Variants in ADO observed in about 807,000 individuals in gnomAD.
The protein encoded by ADO is 2-aminoethanethiol dioxygenase.
ADO carries 9 observed loss-of-function variants against 16.6 expected under a neutral mutation model. The ratio of observed to expected loss-of-function variants is 0.54; its 90% CI spans 0.33 to 0.95. The LOEUF is 0.95. Among genes scored for constraint, ADO ranks in the 40% least tolerant of loss-of-function variants. ADO has a pLI of 0.03. For synonymous variants in ADO, 189 were observed against 179.6 expected (o/e 1.05, Z -0.42); for missense variants, 356 against 386.4 (o/e 0.92, Z 0.66).
rs776030011 is a variant in ADO at position 62,805,787 on chromosome 10, G to A, written c.728G>A (p.Arg243Gln). 2 of 1,591,934 alleles carry A rather than the reference G, an allele frequency of 1.3e-6. No individual in the cohort carries two copies. The highest frequency in any genetic ancestry group is 1.8e-5 in the Admixed American group (1 of 56,068). Residue 243 changes from arginine (R) to glutamine (Q), a missense_variant, in exon 1 of 1, where the codon CGA becomes CAA. Arg to Gln is a conservative substitution (Grantham distance 43). Coordinates refer to ENST00000373783, the MANE Select transcript of ADO (RefSeq NM_032804.6). This position sits in a 1 kb window ranked among gnomAD's most constrained non-coding sequence, Gnocchi z 6.4. The stretch of plus-strand genomic sequence containing the variant: ...TCCAGCTCGGCCTGTGACCTGCCTC[G>A]AGAGGTGTGGCTCCTGGAGACCCCA... ...EASSSACDLPREVWLLETPQA... is the reference protein window; with the variant it reads ...EASSSACDLPQEVWLLETPQA...
chr10:62,804,782 C>G lies in ADO; in HGVS notation c.-278C>G, dbSNP rs1842029559. 8.4e-6 allele frequency: 2 copies of G among 238,752 alleles called. No homozygotes were observed. Among genetic ancestry groups the G allele is most frequent in the Non-Finnish European group, 1.6e-5 (2 of 125,836 alleles). 14.8% of individuals were successfully genotyped at this position (238,752 alleles called of 1,614,324 possible). A position where few individuals can be genotyped will look rare whatever the true frequency, so the allele number is the denominator to read the frequency against. ...ATGGAGCGCCGGGCGTAAGGCAAAG[C>G]CTGGCACCGTCTGCGCGGCCGCTAT... On this transcript the variant is annotated 5_prime_UTR_variant, in exon 1 of 1. Transcript: ENST00000373783.
rs755807283 is a variant in ADO at position 62,805,237 on chromosome 10, C to G, written c.178C>G (p.Gln60Glu). 3 of 1,603,976 alleles carry G rather than the reference C, an allele frequency of 1.9e-6. No individual in the cohort carries two copies. In the South Asian group the frequency reaches 3.3e-5, roughly 18 times the overall value. Residue 60 changes from glutamine (Q) to glutamate (E), a missense_variant, in exon 1 of 1, where the codon CAG (glutamine) becomes GAG (glutamate). Physicochemically the swap from Gln to Glu is conservative, Grantham distance 29. Coordinates refer to ENST00000373783, the MANE Select transcript of ADO (RefSeq NM_032804.6). This position sits in a 1 kb window ranked among gnomAD's most constrained non-coding sequence, Gnocchi z 6.4. The part of the protein sequence containing the change: ...NLSKLKSLLT[Q>E]LRAEDLNIAP... ...GAGCAAGCTGAAGAGCCTCCTGACCCAGCTCCGCGCCGAGGACTTGAACAT... is the reference window on the plus strand; with the variant it reads ...GAGCAAGCTGAAGAGCCTCCTGACCGAGCTCCGCGCCGAGGACTTGAACAT...
chr10:62,805,662 TG>T lies in ADO; in HGVS notation c.604del (p.Ala202ProfsTer135), dbSNP rs767898266. On this transcript the variant is annotated frameshift_variant, in exon 1 of 1. Coordinates refer to ENST00000373783, the MANE Select transcript of ADO (RefSeq NM_032804.6). LOFTEE classifies it high-confidence loss of function. The surrounding 1 kb of genome is among the most constrained non-coding windows in gnomAD (Gnocchi z 6.4). Reference sequence around the variant, plus strand: ...ACCAGATCGACGCCGTGGAAGGGCCTGCCGCCTTCCTGGACATCCTGGCCCC... The same window carrying T: ...ACCAGATCGACGCCGTGGAAGGGCCTCCGCCTTCCTGGACATCCTGGCCCC... ...LHQIDAVEGP[A>X]AFLDILAPPY... 6.2e-7 allele frequency: 1 copy of T among 1,610,344 alleles called. No individual in the cohort carries two copies. Among genetic ancestry groups the T allele is most frequent in the South Asian group, 1.1e-5 (1 of 90,300 alleles).
chr10:62,805,202 C>T lies in ADO; in HGVS notation c.143C>T (p.Pro48Leu). The T allele has an allele frequency of 3.1e-6, 5 of 1,602,914 alleles. No homozygotes were observed. Among genetic ancestry groups the T allele is most frequent in the Non-Finnish European group, 4.2e-6 (5 of 1,177,604 alleles). The change falls in exon 1 of 1, where the codon CCC (proline) becomes CTC (leucine). Residue 48 changes from proline to leucine, a missense_variant. By Grantham distance (98) the Pro-to-Leu change is moderately conservative. Coordinates refer to ENST00000373783, the MANE Select transcript of ADO (RefSeq NM_032804.6). The surrounding 1 kb of genome is among the most constrained non-coding windows in gnomAD (Gnocchi z 6.4). ...GAGGCGCCGATGCAGCCGGGCTTCC[C>T]CGAGAACCTGAGCAAGCTGAAGAGC... is the stretch of plus-strand genomic sequence containing the variant. Reference protein sequence around the residue: ...GPEAPMQPGFPENLSKLKSLL... With the variant: ...GPEAPMQPGFLENLSKLKSLL...
In ADO at chr10:62,805,485, A is replaced by G. The variant is rs558611751; in HGVS notation, c.426A>G (p.Gln142=). The G allele has an allele frequency of 1.9e-5, 29 of 1,537,518 alleles. No individual in the cohort carries two copies. Among genetic ancestry groups the G allele is most frequent in the Non-Finnish European group, 2.4e-5 (27 of 1,145,248 alleles). ...ACAAGCTAGACGCGGGCGGCGGGCA[A>G]CGGCCGCGGGCCTTGCCGCCCGAGC... ...CMDKLDAGGG[Q]RPRALPPEQQ... Residue 142 remains glutamine, a synonymous_variant, in exon 1 of 1, where the codon CAA becomes CAG. Coordinates refer to ENST00000373783, the MANE Select transcript of ADO (RefSeq NM_032804.6). This position sits in a 1 kb window ranked among gnomAD's most constrained non-coding sequence, Gnocchi z 6.4.
rs1252058697 is a variant in ADO, at chr10:62,806,949, A to C, written c.*1077A>C. 1 of 167,242 alleles carries C rather than the reference A, an allele frequency of 6.0e-6. No individual in the cohort carries two copies. The highest frequency in any genetic ancestry group is 1.5e-5 in the Non-Finnish European group (1 of 68,122). 10.4% of individuals were successfully genotyped at this position (167,242 alleles called of 1,614,324 possible). A position where few individuals can be genotyped will look rare whatever the true frequency, so the allele number is the denominator to read the frequency against. ...GGGTGATTCCAGCTGTGTTGCTGGC[A>C]GTGTTGTCTCAACCCTCTCCCTAAA... On this transcript the variant is annotated 3_prime_UTR_variant, in exon 1 of 1. Coordinates refer to ENST00000373783, the MANE Select transcript of ADO (RefSeq NM_032804.6).
rs1485819769 is a variant in ADO at position 62,807,934 on chromosome 10, A to G, written c.*2062A>G. On this transcript the variant is annotated 3_prime_UTR_variant, in exon 1 of 1. Coordinates refer to ENST00000373783, the MANE Select transcript of ADO (RefSeq NM_032804.6). Reference sequence around the variant, plus strand: ...TTATTAATAGCAATGTATGTGTTATAATACAACTTAGTACATTAAAGCTAC... The same window carrying G: ...TTATTAATAGCAATGTATGTGTTATGATACAACTTAGTACATTAAAGCTAC... 6.0e-6 allele frequency: 1 copy of G among 167,150 alleles called. No individual in the cohort carries two copies. Among genetic ancestry groups the G allele is most frequent in the Non-Finnish European group, 1.5e-5 (1 of 68,132 alleles). 10.4% of individuals were successfully genotyped at this position (167,150 alleles called of 1,614,324 possible).
Position 62,805,852 on chromosome 10 carries a change from G to A in ADO, c.793G>A (p.Gly265Ser). 2.0e-6 allele frequency: 3 copies of A among 1,521,152 alleles called. No homozygotes were observed. The highest frequency in any genetic ancestry group is 2.7e-6 in the Non-Finnish European group (3 of 1,131,684). The allele number at this position is 1,521,152 out of a possible 1,614,324, so 94.2% of individuals were successfully genotyped here. The change falls in exon 1 of 1, where the codon GGT becomes AGT. Residue 265 changes from glycine to serine, a missense_variant. By Grantham distance (56) the Gly-to-Ser change is moderately conservative (BLOSUM62 0). Transcript: ENST00000373783. This position sits in a 1 kb window ranked among gnomAD's most constrained non-coding sequence, Gnocchi z 6.4. ...DFWCEGEPYP[G>S]PKVFP is the part of the protein sequence containing the mutation. ...CTGGTGCGAGGGAGAACCCTATCCAGGTCCCAAGGTCTTCCCTTGAAGCCA... is the reference window on the plus strand; with the variant it reads ...CTGGTGCGAGGGAGAACCCTATCCAAGTCCCAAGGTCTTCCCTTGAAGCCA...
In ADO at chr10:62,807,293, CTT is replaced by C. The variant is rs752851586; in HGVS notation, c.*1424_*1425del. 7.8e-5 allele frequency: 13 copies of C among 167,154 alleles called. No homozygotes were observed. Among genetic ancestry groups the C allele is most frequent in the Non-Finnish European group, 1.5e-4 (10 of 68,094 alleles). 10.4% of individuals were successfully genotyped at this position (167,154 alleles called of 1,614,324 possible). A position where few individuals can be genotyped will look rare whatever the true frequency, so the allele number is the denominator to read the frequency against. On this transcript the variant is annotated 3_prime_UTR_variant, in exon 1 of 1. Coordinates refer to ENST00000373783, the MANE Select transcript of ADO (RefSeq NM_032804.6). ...TATAGGATTCCGTTTTTTCACAAGA[CTT>C]TTAATAAAAAGAAATTGTAGAAATA...
chr10:62,805,175 C>G lies in ADO; in HGVS notation c.116C>G (p.Pro39Arg). 6.3e-7 allele frequency: 1 copy of G among 1,599,434 alleles called. No individual in the cohort carries two copies. Among genetic ancestry groups the G allele is most frequent in the Non-Finnish European group, 8.5e-7 (1 of 1,176,298 alleles). ...TCCGATCGCGACGCGGCTTCTGGCC[C>G]GGAGGCGCCGATGCAGCCGGGCTTC... ...GASDRDAASG[P>R]EAPMQPGFPE... Residue 39 changes from proline (P) to arginine (R), a missense_variant, in exon 1 of 1, where the codon CCG becomes CGG. Transcript: ENST00000373783. The surrounding 1 kb of genome is among the most constrained non-coding windows in gnomAD (Gnocchi z 6.4).
At position 62,807,972 on chromosome 10, in the gene ADO, T is replaced by C. The variant is rs1390772845; in HGVS notation, c.*2100T>C. On this transcript the variant is annotated 3_prime_UTR_variant, in exon 1 of 1. Coordinates refer to ENST00000373783, the MANE Select transcript of ADO (RefSeq NM_032804.6). ...ACATTAAAGCTACGAAAACTCATCC[T>C]GGCTGTAGGATAGTAATAAAGGAAG... 3.0e-5 allele frequency: 5 copies of C among 167,086 alleles called. No individual in the cohort carries two copies. Among genetic ancestry groups the C allele is most frequent in the African/African-American group, 1.2e-4 (5 of 41,478 alleles). 10.4% of individuals were successfully genotyped at this position (167,086 alleles called of 1,614,324 possible).
Position 62,806,356 on chromosome 10 carries a change from A to T in ADO, c.*484A>T, listed in dbSNP as rs921528770. 1.8e-5 allele frequency: 3 copies of T among 167,744 alleles called. No homozygotes were observed. Among genetic ancestry groups the T allele is most frequent in the African/African-American group, 7.2e-5 (3 of 41,468 alleles). The allele number at this position is 167,744 out of a possible 1,614,324, so 10.4% of individuals were successfully genotyped here. A position where few individuals can be genotyped will look rare whatever the true frequency, so the allele number is the denominator to read the frequency against. ...TTTTTAGTTCAAGTCATTGGTAAAA[A>T]CTAGGTTTAAGGAGATGAGCTACTG... On this transcript the variant is annotated 3_prime_UTR_variant, in exon 1 of 1. Coordinates refer to ENST00000373783, the MANE Select transcript of ADO (RefSeq NM_032804.6).
chr10:62,805,876 C>T lies in ADO; in HGVS notation c.*4C>T. Reference sequence around the variant, plus strand: ...AGGTCCCAAGGTCTTCCCTTGAAGCCACTGGCGCCCAGGAGCGGTGGGCCG... The same window carrying T: ...AGGTCCCAAGGTCTTCCCTTGAAGCTACTGGCGCCCAGGAGCGGTGGGCCG... On this transcript the variant is annotated 3_prime_UTR_variant, in exon 1 of 1. Transcript: ENST00000373783. The surrounding 1 kb of genome is among the most constrained non-coding windows in gnomAD (Gnocchi z 6.4). The T allele has an allele frequency of 2.7e-6, 4 of 1,486,112 alleles. No homozygotes were observed. Among genetic ancestry groups the T allele is most frequent in the African/African-American group, 1.4e-5 (1 of 70,078 alleles). The allele number at this position is 1,486,112 out of a possible 1,614,324, so 92.1% of individuals were successfully genotyped here.
In ADO at chr10:62,805,346, T is replaced by G; in HGVS notation, c.287T>G (p.Phe96Cys). 2 of 1,602,920 alleles carry G rather than the reference T, an allele frequency of 1.2e-6. No individual in the cohort carries two copies. The highest frequency in any genetic ancestry group is 1.7e-6 in the Non-Finnish European group (2 of 1,178,412). The change falls in exon 1 of 1, where the codon TTC becomes TGC. Residue 96 changes from phenylalanine (F) to cysteine (C), a missense_variant. By Grantham distance (205) the Phe-to-Cys change is radical (BLOSUM62 -2). Transcript: ENST00000373783. The surrounding 1 kb of genome is among the most constrained non-coding windows in gnomAD (Gnocchi z 6.4). Reference protein sequence around the residue: ...TYMHIYETDGFSLGVFLLKSG... With the variant: ...TYMHIYETDGCSLGVFLLKSG... ...ATGCACATCTACGAGACGGACGGCTTCAGCCTGGGCGTGTTCCTGCTCAAG... is the reference window on the plus strand; with the variant it reads ...ATGCACATCTACGAGACGGACGGCTGCAGCCTGGGCGTGTTCCTGCTCAAG...
rs1842046582 is a variant in ADO at position 62,805,843 on chromosome 10, C to A, written c.784C>A (p.Pro262Thr). The change falls in exon 1 of 1, where the codon CCC (proline) becomes ACC (threonine). Residue 262 changes from proline to threonine, a missense_variant. Physicochemically the swap from Pro to Thr is conservative, Grantham distance 38. Transcript: ENST00000373783. This position sits in a 1 kb window ranked among gnomAD's most constrained non-coding sequence, Gnocchi z 6.4. ...QADDFWCEGEPYPGPKVFP is the reference protein window; with the variant it reads ...QADDFWCEGETYPGPKVFP ...CGATGACTTCTGGTGCGAGGGAGAA[C>A]CCTATCCAGGTCCCAAGGTCTTCCC... The A allele has an allele frequency of 1.3e-6, 2 of 1,544,770 alleles. No individual in the cohort carries two copies. The highest frequency in any genetic ancestry group is 2.7e-5 in the African/African-American group (2 of 72,962).
rs568493992 is a variant in ADO at position 62,807,832 on chromosome 10, C to T, written c.*1960C>T. On this transcript the variant is annotated 3_prime_UTR_variant, in exon 1 of 1. Transcript: ENST00000373783. ...AAAGATCTTGTTTTTTTTTCCATAG[C>T]ACAGTAATGAATGTGGTTATCAATC... 6.6e-5 allele frequency: 11 copies of T among 166,892 alleles called. No individual in the cohort carries two copies. The highest frequency in any genetic ancestry group is 2.0e-4 in the Admixed American group (3 of 15,288). The allele number at this position is 166,892 out of a possible 1,614,324, so 10.3% of individuals were successfully genotyped here. A position where few individuals can be genotyped will look rare whatever the true frequency, so the allele number is the denominator to read the frequency against.
rs186878959 is a variant in ADO at position 62,806,206 on chromosome 10, G to A, written c.*334G>A. On this transcript the variant is annotated 3_prime_UTR_variant, in exon 1 of 1. Coordinates refer to ENST00000373783, the MANE Select transcript of ADO (RefSeq NM_032804.6). Reference sequence around the variant, plus strand: ...CCCCATTCTATACAAAATACTAAGTGGTTTTCTTGCTCCCACTCCCTACCC... The same window carrying A: ...CCCCATTCTATACAAAATACTAAGTAGTTTTCTTGCTCCCACTCCCTACCC... 96 of 245,960 alleles carry A rather than the reference G, an allele frequency of 3.9e-4. No individual in the cohort carries two copies. The East Asian group carries it at 7.2e-3, about 19-fold the overall frequency. 15.2% of individuals were successfully genotyped at this position (245,960 alleles called of 1,614,324 possible).
chr10:62,805,725 T>C lies in ADO; in HGVS notation c.666T>C (p.Tyr222=). Residue 222 remains tyrosine, a synonymous_variant, in exon 1 of 1, where the codon TAT becomes TAC. Coordinates refer to ENST00000373783, the MANE Select transcript of ADO (RefSeq NM_032804.6). This position sits in a 1 kb window ranked among gnomAD's most constrained non-coding sequence, Gnocchi z 6.4. ...CGGACGATGGCCGGGACTGCCACTATTACCGGGTGCTGGAGCCGGTCAGGC... is the reference window on the plus strand; with the variant it reads ...CGGACGATGGCCGGGACTGCCACTACTACCGGGTGCTGGAGCCGGTCAGGC... ...YDPDDGRDCH[Y]YRVLEPVRPK... The C allele has an allele frequency of 1.2e-6, 2 of 1,611,246 alleles. No individual in the cohort carries two copies. Among genetic ancestry groups the C allele is most frequent in the Non-Finnish European group, 1.7e-6 (2 of 1,179,322 alleles).
In ADO at chr10:62,804,932, C is replaced by T. The variant is rs1842032156; in HGVS notation, c.-128C>T. Reference sequence around the variant, plus strand: ...GAGGTTGGCGGCGGTGCCGCGCGCCCGACGGGCCGGTGGTTGCGGGGCCTC... The same window carrying T: ...GAGGTTGGCGGCGGTGCCGCGCGCCTGACGGGCCGGTGGTTGCGGGGCCTC... On this transcript the variant is annotated 5_prime_UTR_variant, in exon 1 of 1. Coordinates refer to ENST00000373783, the MANE Select transcript of ADO (RefSeq NM_032804.6). 13 of 893,060 alleles carry T rather than the reference C, an allele frequency of 1.5e-5. No individual in the cohort carries two copies. The highest frequency in any genetic ancestry group is 1.9e-5 in the Non-Finnish European group (13 of 680,902). 55.3% of individuals were successfully genotyped at this position (893,060 alleles called of 1,614,324 possible).
Sources: gnomAD v4.1 joint callset for allele counts on GRCh38, gnomAD v4.1.1 for gene constraint, Gnocchi (gnomAD v3.1) non-coding constraint, MANE v1.5 for transcripts, NCBI Gene and HGNC (gene_info 2026-07-23, HGNC 2026-07-21) for gene names.